The following HEG1 variants were observed in gnomAD, a reference collection of about 807,000 sequenced individuals.
The protein encoded by HEG1 is protein HEG homolog 1.
Under a neutral mutation model 125.6 loss-of-function variants are expected in HEG1, and 56 were observed. That is an observed-to-expected ratio of 0.45 (90% CI 0.36 to 0.56). HEG1 has a LOEUF of 0.56. Among genes scored for constraint, HEG1 ranks in the 20% least tolerant of loss-of-function variants. HEG1 has a pLI of 0.00. For synonymous variants in HEG1, 644 were observed against 668.5 expected, an observed-to-expected ratio of 0.96 and a Z score of 0.57; for missense variants, 1,523 against 1,670.0, an observed-to-expected ratio of 0.91 and a Z score of 1.53.
Position 124,987,108 on chromosome 3 carries a change from C to T in HEG1, c.3733+3679G>A, listed in dbSNP as rs576569994. On this transcript the variant is annotated intron_variant, in intron 14 of 16. Coordinates refer to ENST00000311127, the MANE Select transcript of HEG1 (RefSeq NM_020733.2). ...TAATCCTAACACTTTGGGAGACCAA[C>T]GTGGGAGGATTGCTTGAGCCTGAGA... 9.9e-5 allele frequency among the ~76,000 whole-genome samples: 15 copies of T among 152,200 alleles called. No individual in the cohort carries two copies. In the East Asian group the frequency reaches 2.7e-3, roughly 27 times the overall value.
rs575885604 is a variant in HEG1 at position 124,978,014 on chromosome 3, A to C, written c.3734-68T>G. On this transcript the variant is annotated intron_variant, in intron 14 of 16. Coordinates refer to ENST00000311127, the MANE Select transcript of HEG1 (RefSeq NM_020733.2). ...TGAAGGAATGAGTGAGTTCTCAAGA[A>C]TGGTCTCCCCTGACTCTACAGTCAC... is the stretch of plus-strand genomic sequence containing the variant. 49 of 1,206,316 alleles carry C rather than the reference A, an allele frequency of 4.1e-5. No individual in the cohort carries two copies. In the African/African-American group the frequency reaches 7.2e-4, roughly 18 times the overall value. 74.7% of individuals were successfully genotyped at this position (1,206,316 alleles called of 1,614,324 possible).
chr3:125,046,131 A>T (rs141519491), intron 1 of HEG1, among the ~76,000 whole-genome samples: 22 of 151,474 alleles, frequency 1.5e-4, no homozygotes, highest in Non-Finnish European at 2.4e-4. Flanking sequence ...AGTTCCTCCA[A>T]CCCCCGCCAG....
chr3:124,972,643 T>A (rs1196789424), intron 16 of HEG1, among the ~76,000 whole-genome samples: 1 of 152,208 alleles, frequency 6.6e-6, no homozygotes, highest in Non-Finnish European at 1.5e-5. Context: ...AGGTTTCACA[T>A]TTATTGCTAT....
chr3:125,021,826 T>C (rs1937339658), intron 3 of HEG1, among the ~76,000 whole-genome samples: 1 of 152,246 alleles, frequency 6.6e-6, no homozygotes, highest in African/African-American at 2.4e-5. Context: ...ACAAATTTAA[T>C]TCCACCCAAA....
At chr3:124,992,664 T>G (rs1936853434) in intron 12 of HEG1, among the ~76,000 whole-genome samples, 1 of 152,250 alleles carries the variant, frequency 6.6e-6, no homozygotes, top group African/African-American at 2.4e-5. Context: ...ATAACTTTCC[T>G]CATGACGATG....
intron 14 of HEG1, among the ~76,000 whole-genome samples, chr3:124,987,462 C>T (rs1280665347): frequency 6.6e-6 from 1 of 151,906 alleles, no homozygotes; most frequent in Non-Finnish European, 1.5e-5. Context: ...TTCTTGCACA[C>T]GTGATACAGG....
At chr3:125,054,036 C>G (rs978417749) in intron 1 of HEG1, among the ~76,000 whole-genome samples, 8 of 152,248 alleles carry the variant, frequency 5.3e-5, no homozygotes, top group Admixed American at 5.2e-4. Flanking sequence ...AATCTGCCTT[C>G]GGCTCTTGGG....
At chr3:125,046,642 AT>A (rs1257404208) in intron 1 of HEG1, among the ~76,000 whole-genome samples, 5 of 152,156 alleles carry the variant, frequency 3.3e-5, no homozygotes, top group Non-Finnish European at 5.9e-5. Flanking sequence ...ATACATTTCC[AT>A]CCCTTGATAA....
At chr3:125,051,045 A>G (rs1462829709) in intron 1 of HEG1, among the ~76,000 whole-genome samples, 1 of 152,166 alleles carries the variant, frequency 6.6e-6, no homozygotes, top group Non-Finnish European at 1.5e-5. Context: ...TTCCCAGGAG[A>G]GGGCCCATTA....
At chr3:124,981,799 T>G (rs1936658861) in intron 14 of HEG1, among the ~76,000 whole-genome samples, 1 of 152,216 alleles carries the variant, frequency 6.6e-6, no homozygotes, top group Non-Finnish European at 1.5e-5. Context: ...ATAATTTGCT[T>G]TCTTCTTTGT....
At chr3:125,025,626 G>GA (rs1172202048) in intron 3 of HEG1, among the ~76,000 whole-genome samples, 2 of 152,100 alleles carry the variant, frequency 1.3e-5, no homozygotes, top group African/African-American at 2.4e-5. Flanking sequence ...GGAAACATAG[G>GA]CTGATTTTTC....
rs768722400 is a variant in HEG1 at position 125,029,472 on chromosome 3, A to G, written c.333T>C (p.His111=). The change falls in exon 2 of 17, where the codon CAT becomes CAC. Residue 111 remains histidine (H), a synonymous_variant. Coordinates refer to ENST00000311127, the MANE Select transcript of HEG1 (RefSeq NM_020733.2). ...GGGCCTCAGTGTTACTTTCTGGCCAATGTTTCCAGGCAGCATCTGAAAGAA... is the reference window on the plus strand; with the variant it reads ...GGGCCTCAGTGTTACTTTCTGGCCAGTGTTTCCAGGCAGCATCTGAAAGAA... The part of the protein sequence containing the change: ...RGGSADAAWK[H]WPESNTEAHV... 1.5e-5 allele frequency: 24 copies of G among 1,594,666 alleles called. No individual in the cohort carries two copies. Among genetic ancestry groups the G allele is most frequent in the South Asian group, 3.3e-5 (3 of 90,944 alleles).
At chr3:125,011,280 G>A (rs1190623492) in intron 6 of HEG1, among the ~76,000 whole-genome samples, 2 of 151,930 alleles carry the variant, frequency 1.3e-5, no homozygotes, top group South Asian at 4.2e-4. Flanking sequence ...AAACAAATGA[G>A]CTAAACCTAA....
chr3:125,018,890 C>T (rs568122193), intron 5 of HEG1, among the ~76,000 whole-genome samples: 3 of 118,026 alleles, frequency 2.5e-5, no homozygotes, highest in African/African-American at 6.7e-5. Context: ...TTTTTTGAGA[C>T]ACTTTCGCTT....
At chr3:125,003,432 T>C (rs1165410919) in intron 9 of HEG1, among the ~76,000 whole-genome samples, 1 of 152,196 alleles carries the variant, frequency 6.6e-6, no homozygotes, top group African/African-American at 2.4e-5. Context: ...GGGACAAGTA[T>C]AGGATTAGTA....
intron 1 of HEG1, among the ~76,000 whole-genome samples, chr3:125,055,207 T>C (rs1041221704): frequency 6.6e-6 from 1 of 152,138 alleles, no homozygotes; most frequent in African/African-American, 2.4e-5. Context: ...CAGTTCTGTA[T>C]AGCGGAAAAA....
intron 4 of HEG1, among the ~76,000 whole-genome samples, chr3:125,019,948 G>A (rs1220092013): frequency 1.3e-5 from 2 of 152,162 alleles, no homozygotes; most frequent in Non-Finnish European, 2.9e-5. Flanking sequence ...AATAAATATA[G>A]CACAGTCAGA....
intron 10 of HEG1, 93 bp downstream of exon 10, chr3:125,002,164 G>A: frequency 1.3e-6 from 2 of 1,505,168 alleles, no homozygotes; most frequent in South Asian, 1.2e-5. Context: ...ATGGCTGGGT[G>A]AAAACAGCCC....
chr3:124,991,181 G>C (rs536213158), intron 12 of HEG1, among the ~76,000 whole-genome samples, 195 bp from the exon 13 acceptor site: 3 of 146,162 alleles, frequency 2.1e-5, no homozygotes, highest in Non-Finnish European at 4.5e-5. Flanking sequence ...ATAGAGTCTC[G>C]CTCTGTCACC....
Sources: allele counts gnomAD v4.1 joint callset (sites outside exome capture counted in the v4.1 genomes callset), GRCh38; gene constraint gnomAD v4.1.1; transcripts MANE v1.5; gene names NCBI Gene and HGNC (gene_info 2026-07-23, HGNC 2026-07-21).